ATP10A: variants seen among roughly 807,000 people sequenced by gnomAD.
ATP10A encodes the protein ATPase phospholipid transporting 10A (putative).
Under a neutral mutation model 147.8 loss-of-function variants are expected in ATP10A, and 111 were observed. The ratio of observed to expected loss-of-function variants is 0.75; its 90% confidence interval spans 0.64 to 0.88. The LOEUF is 0.88. Among genes scored for constraint, ATP10A ranks in the 40% least tolerant of loss-of-function variants. ATP10A has a pLI of 0.00. For synonymous variants in ATP10A, 875 were observed against 841.6 expected (o/e 1.04, Z -0.69); for missense variants, 1,927 against 1,959.0 (o/e 0.98, Z 0.31).
chr15:25,694,967 G>C lies in ATP10A; in HGVS notation c.2940C>G (p.Ala980=). The C allele has an allele frequency of 6.2e-7, 1 of 1,614,188 alleles. No homozygotes were observed. The highest frequency in any genetic ancestry group is 8.5e-7 in the Non-Finnish European group (1 of 1,180,042). The change falls in exon 14 of 21, where the codon GCC becomes GCG. Residue 980 remains alanine (A), a synonymous_variant. Transcript: ENST00000555815. The part of the protein sequence containing the change: ...PSLVIDGRSL[A]YALEKNLEDK... ...CCTCCAGGTTTTTCTCGAGAGCGTA[G>C]GCCAGGCTTCTCCCATCGATCACGA...
intron 3 of ATP10A, among the ~76,000 whole-genome samples, chr15:25,729,337 C>T (rs1175870882): frequency 6.6e-6 from 1 of 152,152 alleles, no homozygotes; most frequent in East Asian, 1.9e-4. Context: ...TCCTTGACTC[C>T]TCCCCCATTT....
At chr15:25,713,313 G>A (rs1901556048) in intron 10 of ATP10A, among the ~76,000 whole-genome samples, 1 of 152,212 alleles carries the variant, frequency 6.6e-6, no homozygotes, top group African/African-American at 2.4e-5. Flanking sequence ...CCCATAAACT[G>A]TGGCCTGGAT....
At chr15:25,738,542 T>A (rs1175331015) in intron 2 of ATP10A, 4 of 152,220 alleles carry the variant, frequency 2.6e-5, no homozygotes, top group Non-Finnish European at 5.9e-5. Flanking sequence ...GCATCCAATC[T>A]TGACTGATCT....
At position 25,720,680 on chromosome 15, in the gene ATP10A, T is replaced by A. The variant is rs907579638; in HGVS notation, c.1363+977A>T. Among the ~76,000 whole-genome samples, 8 of 151,712 alleles carry A rather than the reference T, an allele frequency of 5.3e-5. No individual in the cohort carries two copies. The South Asian group carries it at 1.7e-3, about 32-fold the overall frequency. On this transcript the variant is annotated intron_variant, in intron 7 of 20. Transcript: ENST00000555815. ...GTGAGTGGATGGAGTACTGTCATGA[T>A]TATCTATTTTGGGTGGCAAATAAAA...
intron 1 of ATP10A, among the ~76,000 whole-genome samples, chr15:25,829,496 G>A (rs1432910119): frequency 6.6e-6 from 1 of 152,140 alleles, no homozygotes; most frequent in African/African-American, 2.4e-5. Context: ...CAAGCATGCC[G>A]CCACACAGAA....
chr15:25,816,089 T>C (rs779171142), intron 1 of ATP10A, among the ~76,000 whole-genome samples: 1 of 150,950 alleles, frequency 6.6e-6, no homozygotes, highest in African/African-American at 2.4e-5. Flanking sequence ...TAAAGTGAGA[T>C]ATACTTGCTT....
chr15:25,718,741 C>T (rs1016491395), intron 7 of ATP10A, among the ~76,000 whole-genome samples: 3 of 152,036 alleles, frequency 2.0e-5, no homozygotes, highest in Middle Eastern at 3.4e-3. Context: ...GGCAGGTGGC[C>T]GGGAGAGGGA....
chr15:25,860,989 G>A (rs545651123), intron 1 of ATP10A, among the ~76,000 whole-genome samples: 51 of 152,312 alleles, frequency 3.3e-4, no homozygotes, highest in Admixed American at 7.2e-4. Flanking sequence ...GGGCTATGTG[G>A]TGGAGGCCTC....
At chr15:25,732,712 C>G (rs1197987263) in intron 3 of ATP10A, among the ~76,000 whole-genome samples, 3 of 151,820 alleles carry the variant, frequency 2.0e-5, no homozygotes, top group Non-Finnish European at 4.4e-5. Context: ...CCCTCCATGA[C>G]ACCTGGCTAG....
intron 1 of ATP10A, among the ~76,000 whole-genome samples, chr15:25,817,566 T>G (rs1891716654): frequency 2.0e-5 from 3 of 152,228 alleles, no homozygotes. Flanking sequence ...CTAAATAAGA[T>G]TGATAAAATA....
At chr15:25,698,758 A>G (rs1900495595) in intron 13 of ATP10A, among the ~76,000 whole-genome samples, 1 of 152,194 alleles carries the variant, frequency 6.6e-6, no homozygotes, top group South Asian at 2.1e-4. Context: ...CAAATTTTCA[A>G]CTTTTGGATG....
chr15:25,839,739 C>T (rs1053728198), intron 1 of ATP10A, among the ~76,000 whole-genome samples: 2 of 152,076 alleles, frequency 1.3e-5, no homozygotes, highest in East Asian at 1.9e-4. Context: ...CTTTTTATTT[C>T]GGAATAATTA....
intron 1 of ATP10A, among the ~76,000 whole-genome samples, chr15:25,848,061 G>A (rs1893107243): frequency 6.6e-6 from 1 of 151,892 alleles, no homozygotes; most frequent in African/African-American, 2.4e-5. Flanking sequence ...GCTGAGGCAG[G>A]ACTGTGTGAG....
intron 1 of ATP10A, among the ~76,000 whole-genome samples, chr15:25,821,592 A>G (rs6576467): frequency 0.35 from 52,634 of 151,840 alleles, 10,404 homozygotes; most frequent in African/African-American, 0.54. Flanking sequence ...TGTGGCATCC[A>G]ATTTTGGAAG....
At chr15:25,838,681 C>T (rs543886490) in intron 1 of ATP10A, among the ~76,000 whole-genome samples, 1 of 152,298 alleles carries the variant, frequency 6.6e-6, no homozygotes, top group Non-Finnish European at 1.5e-5. Context: ...CAGAGTCCCT[C>T]GGGGCTTTTT....
chr15:25,797,057 G>GTA (rs550123785), intron 1 of ATP10A, among the ~76,000 whole-genome samples: 424 of 151,308 alleles, frequency 2.8e-3, no homozygotes, highest in Non-Finnish European at 4.4e-3. Flanking sequence ...TCACTGTGCT[G>GTA]TACAACAGAT....
intron 1 of ATP10A, among the ~76,000 whole-genome samples, chr15:25,845,055 C>A (rs1042557328): frequency 2.0e-5 from 3 of 152,208 alleles, no homozygotes; most frequent in Admixed American, 6.5e-5. Context: ...CAAATCCCCC[C>A]CAAACACCAG....
intron 1 of ATP10A, among the ~76,000 whole-genome samples, chr15:25,842,366 G>A (rs61584834): frequency 0.081 from 12,309 of 152,230 alleles, 933 homozygotes; most frequent in African/African-American, 0.2. Context: ...ACCCCCTCAT[G>A]TCCTGAGGCC....
At chr15:25,685,457 C>T (rs1314947269) in intron 16 of ATP10A, among the ~76,000 whole-genome samples, 2 of 152,160 alleles carry the variant, frequency 1.3e-5, no homozygotes, top group Non-Finnish European at 2.9e-5. Context: ...ATCATTCTTG[C>T]CCTCCCTTCG....
Sources: allele counts gnomAD v4.1 joint callset (sites outside exome capture counted in the v4.1 genomes callset), GRCh38; gene constraint gnomAD v4.1.1; transcripts MANE v1.5; gene names NCBI Gene and HGNC (gene_info 2026-07-23, HGNC 2026-07-21).